DOK6: variants seen among roughly 807,000 people sequenced by gnomAD.
DOK6 encodes downstream of tyrosine kinase 6.
DOK6 carries 22 observed loss-of-function variants against 44.0 expected under a neutral mutation model. The observed-to-expected ratio is 0.50, with a 90% CI of 0.36 to 0.71. The LOEUF (loss-of-function observed/expected upper bound fraction) is 0.71. DOK6 is among the 30% of genes least tolerant of loss of function. The pLI is 0.00. For missense variants in DOK6, 340 were observed against 416.4 expected (o/e 0.82, Z 1.60); for synonymous variants, 166 against 145.5 (o/e 1.14, Z -1.01).
At chr18:69,578,980 A>G (rs1239820788) in intron 2 of DOK6, among the ~76,000 whole-genome samples, 2 of 152,204 alleles carry the variant, frequency 1.3e-5, no homozygotes, top group Admixed American at 1.3e-4. Flanking sequence ...TTACTTTAGT[A>G]AAAAACAACA....
intron 1 of DOK6, among the ~76,000 whole-genome samples, chr18:69,496,232 GTGTC>G (rs1408991320): frequency 2.0e-5 from 3 of 152,244 alleles, no homozygotes; most frequent in African/African-American, 7.2e-5. Context: ...CACAACCTGA[GTGTC>G]TGTAGCTGTG....
intron 2 of DOK6, among the ~76,000 whole-genome samples, chr18:69,589,989 C>A (rs1462217309): frequency 2.0e-5 from 3 of 151,964 alleles, no homozygotes; most frequent in Non-Finnish European, 4.4e-5. Context: ...TTTATAACTC[C>A]TAAAATATCT....
At chr18:69,520,968 G>A (rs528894919) in intron 1 of DOK6, among the ~76,000 whole-genome samples, 1 of 152,006 alleles carries the variant, frequency 6.6e-6, no homozygotes, top group East Asian at 1.9e-4. Context: ...GAATATGGAA[G>A]CAATTAATGA....
chr18:69,565,529 A>G lies in DOK6; in HGVS notation c.174+935A>G, dbSNP rs974834127. On this transcript the variant is annotated intron_variant, in intron 2 of 7. Coordinates refer to ENST00000382713, the MANE Select transcript of DOK6 (RefSeq NM_152721.6). ...TGTGTGTGTGTGTGTGTGTATATAT[A>G]TATACATAATTTTAAAAATATTTTA... Among the ~76,000 whole-genome samples, 23 of 69,158 alleles carry G rather than the reference A, an allele frequency of 3.3e-4. No individual in the cohort carries two copies. In the East Asian group the frequency reaches 0.011, roughly 34 times the overall value. The allele number at this position is 69,158 out of a possible 152,430, so 45.4% of individuals were successfully genotyped here.
Position 69,594,313 on chromosome 18 carries a change from C to G in DOK6, c.175-5071C>G, listed in dbSNP as rs867567909. On this transcript the variant is annotated intron_variant, in intron 2 of 7. Coordinates refer to ENST00000382713, the MANE Select transcript of DOK6 (RefSeq NM_152721.6). ...ACATATATACACACATACATACATA[C>G]AGATACATGCATATACAAATATATG... Among the ~76,000 whole-genome samples, 36 of 151,688 alleles carry G rather than the reference C, an allele frequency of 2.4e-4. 1 individual carries two copies. The highest frequency in any genetic ancestry group is 8.7e-4 in the African/African-American group (36 of 41,328).
intron 5 of DOK6, among the ~76,000 whole-genome samples, chr18:69,725,859 G>T (rs1978304218): frequency 6.6e-6 from 1 of 152,194 alleles, no homozygotes; most frequent in African/African-American, 2.4e-5. Context: ...AACAAAGTGT[G>T]CCTTGCATCA....
At chr18:69,479,496 A>C (rs1220283559) in intron 1 of DOK6, among the ~76,000 whole-genome samples, 4 of 152,200 alleles carry the variant, frequency 2.6e-5, no homozygotes, top group Non-Finnish European at 5.9e-5. Context: ...ACAGGAATAC[A>C]ACGTTTTCCT....
intron 5 of DOK6, among the ~76,000 whole-genome samples, chr18:69,715,521 G>A (rs771304541): frequency 2.0e-5 from 3 of 152,172 alleles, no homozygotes; most frequent in South Asian, 2.1e-4. Context: ...CAGCTCTCGC[G>A]ATCTCACGCA....
intron 3 of DOK6, among the ~76,000 whole-genome samples, chr18:69,627,701 G>A (rs530849662): frequency 9.9e-5 from 15 of 152,100 alleles, no homozygotes; most frequent in Admixed American, 2.6e-4. Flanking sequence ...CGCCCGCCTC[G>A]GCCTCCCAAA....
chr18:69,714,759 A>G (rs1986843679), intron 5 of DOK6, among the ~76,000 whole-genome samples: 2 of 152,226 alleles, frequency 1.3e-5, no homozygotes, highest in Non-Finnish European at 2.9e-5. Context: ...ATCATTAAAT[A>G]TTTAGCAATA....
intron 7 of DOK6, among the ~76,000 whole-genome samples, chr18:69,777,141 A>C (rs1290720951): frequency 3.8e-5 from 2 of 52,128 alleles, no homozygotes; most frequent in Non-Finnish European, 1.5e-4. Context: ...TTAAAGTATA[A>C]TAAAAAAAAA....
At chr18:69,481,154 C>G (rs1980408189) in intron 1 of DOK6, among the ~76,000 whole-genome samples, 2 of 152,072 alleles carry the variant, frequency 1.3e-5, no homozygotes, top group African/African-American at 2.4e-5. Context: ...CGTTCACATC[C>G]CTTGAGGTTC....
At chr18:69,751,751 T>C (rs1050596471) in intron 6 of DOK6, among the ~76,000 whole-genome samples, 28 of 152,116 alleles carry the variant, frequency 1.8e-4, no homozygotes, top group Admixed American at 5.2e-4. Context: ...ACACCTCTAA[T>C]GGCAGTGCTT....
intron 3 of DOK6, among the ~76,000 whole-genome samples, chr18:69,604,333 G>A (rs1037736331): frequency 6.6e-6 from 1 of 152,130 alleles, no homozygotes; most frequent in African/African-American, 2.4e-5. Flanking sequence ...AAATGTGAAG[G>A]TTTCTTAATG....
chr18:69,682,945 A>G (rs1239291407), intron 4 of DOK6, among the ~76,000 whole-genome samples: 4 of 152,206 alleles, frequency 2.6e-5, no homozygotes, highest in Non-Finnish European at 5.9e-5. Context: ...CAATATTAGC[A>G]GCACCTTACT....
At chr18:69,775,621 A>G (rs73456843) in intron 7 of DOK6, among the ~76,000 whole-genome samples, 5,292 of 151,848 alleles carry the variant, frequency 0.035, 252 homozygotes, top group African/African-American at 0.11. Flanking sequence ...GAAAATATAG[A>G]AAGAAAAAAG....
Position 69,431,435 on chromosome 18 carries a change from A to G in DOK6, c.66+30125A>G, listed in dbSNP as rs1978804301. Among the ~76,000 whole-genome samples the G allele has an allele frequency of 2.0e-5, 3 of 152,294 alleles. No homozygotes were observed. In the South Asian group the frequency reaches 6.2e-4, roughly 32 times the overall value. ...GGGAGGTTTCATTCTTATTTACATA[A>G]TTTCAAACATCAAAGTTTCTGACAG... On this transcript the variant is annotated intron_variant, in intron 1 of 7. Coordinates refer to ENST00000382713, the MANE Select transcript of DOK6 (RefSeq NM_152721.6).
At chr18:69,773,145 T>TA (rs1335598189) in intron 7 of DOK6, among the ~76,000 whole-genome samples, 1 of 151,880 alleles carries the variant, frequency 6.6e-6, no homozygotes, top group Non-Finnish European at 1.5e-5. Flanking sequence ...CAATGAGACA[T>TA]ACCTTCACAC....
intron 1 of DOK6, among the ~76,000 whole-genome samples, chr18:69,559,987 C>A (rs1255122714): frequency 6.6e-6 from 1 of 152,144 alleles, no homozygotes; most frequent in African/African-American, 2.4e-5. Context: ...TCTCCAAATA[C>A]TAGCACCTTG....
Sources: allele counts gnomAD v4.1 joint callset (sites outside exome capture counted in the v4.1 genomes callset), GRCh38; gene constraint gnomAD v4.1.1; transcripts MANE v1.5; gene names NCBI Gene and HGNC (gene_info 2026-07-23, HGNC 2026-07-21).